The following SLC2A7 variants were observed in gnomAD, a reference collection of about 807,000 sequenced individuals.
The protein encoded by SLC2A7 is solute carrier family 2 member 7, also known as solute carrier family 2, facilitated glucose transporter member 7.
In SLC2A7, 50 loss-of-function variants were observed where a neutral mutation model predicts 50.5. The observed-to-expected ratio is 0.99, with a 90% CI of 0.79 to 1.25. The LOEUF (loss-of-function observed/expected upper bound fraction) is 1.25, where lower values mean the gene tolerates loss of function less well. Among genes scored for constraint, SLC2A7 ranks in the 50% most tolerant of loss-of-function variants. The pLI is 0.00. For synonymous variants in SLC2A7, 308 were observed against 300.4 expected (o/e 1.03, Z -0.26); for missense variants, 683 against 679.1 (o/e 1.01, Z -0.06).
rs139238505 is a variant in SLC2A7, at chr1:9,008,204, T to C, written c.1117-819A>G. Among the ~76,000 whole-genome samples the C allele has an allele frequency of 1.7e-4, 26 of 152,154 alleles. No homozygotes were observed. Among genetic ancestry groups the C allele is most frequent in the South Asian group, 6.2e-4 (3 of 4,816 alleles). On this transcript the variant is annotated intron_variant, in intron 9 of 11. Transcript: ENST00000400906. This position sits in a 1 kb window ranked among gnomAD's most constrained non-coding sequence, Gnocchi z 5.9. ...CAGATGAACTTCCCAGGGAACCCTG[T>C]AGTCACAGTTATGAGACGGCCTCAA...
At chr1:9,006,373 G>A (rs1391562342) in intron 10 of SLC2A7, among the ~76,000 whole-genome samples, 2 of 152,092 alleles carry the variant, frequency 1.3e-5, no homozygotes, top group African/African-American at 4.8e-5. Flanking sequence ...TCAGCCTCCC[G>A]AGTAGCTGGG....
chr1:9,021,979 G>A lies in SLC2A7; in HGVS notation c.311+939C>T, dbSNP rs139519174. On this transcript the variant is annotated intron_variant, in intron 3 of 11. Transcript: ENST00000400906. ...ACCAAAAAAAAAAGCTTGAATTATG[G>A]TATAGTTACATTAGAGTGAATTGTT... is the stretch of plus-strand genomic sequence containing the variant. Among the ~76,000 whole-genome samples the A allele has an allele frequency of 2.2e-3, 339 of 152,284 alleles. 1 individual carries two copies. Among genetic ancestry groups the A allele is most frequent in the African/African-American group, 7.6e-3 (316 of 41,542 alleles).
intron 7 of SLC2A7, among the ~76,000 whole-genome samples, chr1:9,013,900 G>A (rs776571027): frequency 3.9e-5 from 6 of 152,130 alleles, no homozygotes; most frequent in Non-Finnish European, 7.4e-5. Flanking sequence ...CAGACCATAC[G>A]ACCTCCAAGA....
At chr1:9,013,011 C>T (rs749506421) in intron 8 of SLC2A7, among the ~76,000 whole-genome samples, 2 of 152,132 alleles carry the variant, frequency 1.3e-5, no homozygotes, top group Non-Finnish European at 2.9e-5. Context: ...CTGACTCGGC[C>T]TCCCAAGTAG....
At chr1:9,002,831 C>A (rs1006061054), downstream of SLC2A7, among the ~76,000 whole-genome samples, 8 of 152,232 alleles carry the variant, frequency 5.3e-5, no homozygotes, top group African/African-American at 1.9e-4. Flanking sequence ...CAGGACAGAG[C>A]TGGGCACGCA....
At chr1:9,024,596 T>C (rs1404586208) in intron 2 of SLC2A7, among the ~76,000 whole-genome samples, 1 of 152,124 alleles carries the variant, frequency 6.6e-6, no homozygotes, top group Non-Finnish European at 1.5e-5. Flanking sequence ...CTTTTTCCTT[T>C]TTTCCCCTTT....
chr1:9,010,069 G>A (rs567365580), intron 9 of SLC2A7, 74 bp downstream of exon 9: 27 of 1,403,434 alleles, frequency 1.9e-5, no homozygotes, highest in African/African-American at 5.7e-5. Context: ...TTGGTGCAGC[G>A]GGCCCGGTTC....
chr1:8,996,977 CATGTTGGTCAG>C, the SLC2A7 span, among the ~76,000 whole-genome samples: 5 of 152,028 alleles, frequency 3.3e-5, no homozygotes, highest in African/African-American at 1.2e-4. Context: ...GGGGTTTCAC[CATGTTGGTCAG>C]ACTGGTCTTG....
chr1:9,023,182 G>A (rs1640940355), intron 2 of SLC2A7, 104 bp from the exon 3 acceptor site: 3 of 1,226,146 alleles, frequency 2.4e-6, no homozygotes, highest in Admixed American at 2.2e-5. Flanking sequence ...AGGTTTTTCT[G>A]CTAACACCTA....
chr1:9,009,481 C>G (rs1310079839), intron 9 of SLC2A7, among the ~76,000 whole-genome samples: 1 of 152,158 alleles, frequency 6.6e-6, no homozygotes, highest in Non-Finnish European at 1.5e-5. Flanking sequence ...TTTTTTGAGA[C>G]AGGGTCTCAC....
rs574255313 is a variant in SLC2A7 at position 9,011,407 on chromosome 1, G to A, written c.1015-1163C>T. ...AGTGGCTCACACCTGTAATCTCAGCGCTTTGGGAGGCCGAGACAGGAGGAT... is the reference window on the plus strand; with the variant it reads ...AGTGGCTCACACCTGTAATCTCAGCACTTTGGGAGGCCGAGACAGGAGGAT... On this transcript the variant is annotated intron_variant, in intron 8 of 11. Transcript: ENST00000400906. Among the ~76,000 whole-genome samples the A allele has an allele frequency of 1.5e-3, 224 of 152,272 alleles. 2 individuals carry two copies. Among genetic ancestry groups the A allele is most frequent in the Non-Finnish European group, 2.4e-3 (160 of 68,010 alleles).
At chr1:9,022,591 G>A (rs1489634877) in intron 3 of SLC2A7, among the ~76,000 whole-genome samples, 1 of 152,228 alleles carries the variant, frequency 6.6e-6, no homozygotes, top group Non-Finnish European at 1.5e-5. Context: ...AATGAAACCT[G>A]ATAAACGAGC....
chr1:9,006,334 A>C (rs1423222845), intron 10 of SLC2A7, among the ~76,000 whole-genome samples: 1 of 152,144 alleles, frequency 6.6e-6, no homozygotes, highest in African/African-American at 2.4e-5. Flanking sequence ...GGCTTACTGC[A>C]ACCTCTGGGT....
At chr1:9,011,874 C>T (rs1474095283) in intron 8 of SLC2A7, among the ~76,000 whole-genome samples, 5 of 151,558 alleles carry the variant, frequency 3.3e-5, no homozygotes, top group African/African-American at 4.9e-5. Context: ...CTCAGTCTCC[C>T]GAGTAGCTGG....
In SLC2A7 at chr1:9,021,736, A is replaced by G. The variant is rs116556596; in HGVS notation, c.311+1182T>C. 4.4e-3 allele frequency among the ~76,000 whole-genome samples: 672 copies of G among 152,274 alleles called. 4 individuals carry two copies. Among genetic ancestry groups the G allele is most frequent in the African/African-American group, 0.015 (624 of 41,548 alleles). ...CCCAAAAAGACTAAGCAGCCCCGAC[A>G]CGTTCCCACCCTTCTCTGGACTCCC... On this transcript the variant is annotated intron_variant, in intron 3 of 11. Coordinates refer to ENST00000400906, the MANE Select transcript of SLC2A7 (RefSeq NM_207420.3).
chr1:9,009,173 T>C (rs1315804677), intron 9 of SLC2A7, among the ~76,000 whole-genome samples: 2 of 152,202 alleles, frequency 1.3e-5, no homozygotes, highest in Non-Finnish European at 2.9e-5. Flanking sequence ...TCCTCACACA[T>C]TCTTGTACTC....
At chr1:9,005,781 C>CA (rs75636224) in intron 10 of SLC2A7, among the ~76,000 whole-genome samples, 1,923 of 41,904 alleles carry the variant, frequency 0.046, 50 homozygotes, top group African/African-American at 0.093. Flanking sequence ...GACTCCAACT[C>CA]AAAAAAAAAA....
At chr1:9,004,205 T>C (rs1233121073) in intron 11 of SLC2A7, among the ~76,000 whole-genome samples, 1 of 151,960 alleles carries the variant, frequency 6.6e-6, no homozygotes, top group Non-Finnish European at 1.5e-5. Flanking sequence ...TGGTGGCCCA[T>C]GCCTGTGGTC....
chr1:9,000,000 C>T (rs76319332), downstream of SLC2A7, among the ~76,000 whole-genome samples: 29 of 152,150 alleles, frequency 1.9e-4, 2 homozygotes, highest in East Asian at 4.6e-3. Context: ...CATTTCCACC[C>T]GATTTATGTG....
Sources: gnomAD v4.1 joint callset for allele counts (sites outside exome capture counted in the v4.1 genomes callset) on GRCh38, gnomAD v4.1.1 for gene constraint, Gnocchi (gnomAD v3.1) non-coding constraint, MANE v1.5 for transcripts, NCBI Gene and HGNC (gene_info 2026-07-23, HGNC 2026-07-21) for gene names.